Variants in CSMD1 observed in about 807,000 individuals in gnomAD.
CSMD1 encodes CUB and sushi domain-containing protein 1.
In CSMD1, 213 loss-of-function variants were observed where a neutral mutation model predicts 417.5. The ratio of observed to expected loss-of-function variants is 0.51; its 90% CI spans 0.46 to 0.57. The LOEUF is 0.57. Among genes scored for constraint, CSMD1 ranks in the 20% least tolerant of loss-of-function variants. CSMD1 has a pLI of 0.00. For missense variants in CSMD1, 6,923 were observed against 4,529.7 expected, an observed-to-expected ratio of 1.53 and a Z score of -15.17; for synonymous variants, 2,862 against 1,736.8, an observed-to-expected ratio of 1.65 and a Z score of -16.11.
rs1802585485 is a variant in CSMD1 at position 4,507,410 on chromosome 8, T to C, written c.303-87345A>G. On this transcript the variant is annotated intron_variant, in intron 2 of 69. Transcript: ENST00000635120. ...TATAACATAGACTCCAAATATTTGT[T>C]CTGCTCACATTATCCAGTGTTTTAT... Among the ~76,000 whole-genome samples, 4 of 152,234 alleles carry C rather than the reference T, an allele frequency of 2.6e-5. No individual in the cohort carries two copies. In the South Asian group the frequency reaches 8.3e-4, roughly 31 times the overall value.
intron 12 of CSMD1, among the ~76,000 whole-genome samples, chr8:3,458,041 C>T (rs953917665): frequency 5.3e-5 from 8 of 152,170 alleles, no homozygotes; most frequent in African/African-American, 1.9e-4. Flanking sequence ...TTCATTCTTA[C>T]CTGAGACTAA....
chr8:4,708,548 G>A (rs917934725), intron 1 of CSMD1, among the ~76,000 whole-genome samples: 5 of 152,174 alleles, frequency 3.3e-5, no homozygotes, highest in Admixed American at 2.0e-4. Context: ...TTAAAGGAAG[G>A]TGATTGCCAG....
intron 3 of CSMD1, among the ~76,000 whole-genome samples, chr8:4,052,133 C>A (rs1798464414): frequency 6.6e-6 from 1 of 151,926 alleles, no homozygotes; most frequent in African/African-American, 2.4e-5. Context: ...CCATGTTGGT[C>A]AGGGTGGTCT....
At chr8:3,630,692 G>A (rs1227721262) in intron 7 of CSMD1, among the ~76,000 whole-genome samples, 1 of 151,178 alleles carries the variant, frequency 6.6e-6, no homozygotes, top group Non-Finnish European at 1.5e-5. Context: ...AAATGTGTGA[G>A]TGGTTTGCTT....
chr8:3,917,417 ACACAC>A (rs1808905866), intron 5 of CSMD1, among the ~76,000 whole-genome samples: 1 of 15,812 alleles, frequency 6.3e-5, no homozygotes, highest in South Asian at 3.1e-3. Flanking sequence ...ATACCACGAA[ACACAC>A]ACACACACAC....
At chr8:4,007,116 G>C (rs1303773884) in intron 4 of CSMD1, among the ~76,000 whole-genome samples, 2 of 151,972 alleles carry the variant, frequency 1.3e-5, no homozygotes, top group Non-Finnish European at 2.9e-5. Flanking sequence ...GGTATTACAG[G>C]TGTCAGCCAC....
chr8:3,294,165 C>G (rs1014465900), intron 25 of CSMD1, among the ~76,000 whole-genome samples: 1 of 152,182 alleles, frequency 6.6e-6, no homozygotes, highest in Admixed American at 6.5e-5. Flanking sequence ...GCAAATGCTG[C>G]TGTCTGATCA....
chr8:4,901,954 G>A (rs1383119033), intron 1 of CSMD1, among the ~76,000 whole-genome samples: 2 of 152,094 alleles, frequency 1.3e-5, no homozygotes, highest in South Asian at 2.1e-4. Context: ...CACAACCAGA[G>A]GTCAAATACC....
intron 5 of CSMD1, among the ~76,000 whole-genome samples, chr8:3,901,552 T>G (rs1807752875): frequency 6.6e-6 from 1 of 152,232 alleles, no homozygotes; most frequent in Non-Finnish European, 1.5e-5. Context: ...CGATCACGTT[T>G]GCTCATAAAG....
chr8:2,985,895 T>C (rs1805851721), intron 54 of CSMD1, among the ~76,000 whole-genome samples: 1 of 140,912 alleles, frequency 7.1e-6, no homozygotes, highest in African/African-American at 2.7e-5. Flanking sequence ...CTTTGCATAT[T>C]GTGATCGAAA....
In CSMD1 at chr8:4,099,206, GCACA is replaced by G. The variant is rs142311935; in HGVS notation, c.416-67111_416-67108del. Among the ~76,000 whole-genome samples the G allele has an allele frequency of 2.8e-3, 419 of 148,564 alleles. 2 individuals carry two copies. Among genetic ancestry groups the G allele is most frequent in the Non-Finnish European group, 4.4e-3 (291 of 66,786 alleles). On this transcript the variant is annotated intron_variant, in intron 3 of 69. Coordinates refer to ENST00000635120, the MANE Select transcript of CSMD1 (RefSeq NM_033225.6). ...CACACATACACACTCACACACACACGCACACACACACACACACCATTTCTAATTC... is the reference window on the plus strand; with the variant it reads ...CACACATACACACTCACACACACACGCACACACACACACCATTTCTAATTC...
chr8:4,874,458 C>G (rs1010691807), intron 1 of CSMD1, among the ~76,000 whole-genome samples: 1 of 147,578 alleles, frequency 6.8e-6, no homozygotes, highest in Non-Finnish European at 1.5e-5. Flanking sequence ...GTTCCATTCT[C>G]GACTCACTGC....
At chr8:3,647,594 T>C (rs1563231263) in intron 7 of CSMD1, among the ~76,000 whole-genome samples, 1 of 152,194 alleles carries the variant, frequency 6.6e-6, no homozygotes, top group Non-Finnish European at 1.5e-5. Context: ...CACAGCATGT[T>C]GGAACCACTG....
At chr8:4,164,391 C>A (rs922927186) in intron 3 of CSMD1, among the ~76,000 whole-genome samples, 1 of 152,086 alleles carries the variant, frequency 6.6e-6, no homozygotes, top group African/African-American at 2.4e-5. Context: ...AACACTTACA[C>A]ATTCAGGTAA....
chr8:4,324,343 C>A (rs1393383944), intron 3 of CSMD1, among the ~76,000 whole-genome samples: 12 of 152,178 alleles, frequency 7.9e-5, no homozygotes, highest in Admixed American at 3.3e-4. Flanking sequence ...TCGGAAGGTC[C>A]TGTAGTAGCA....
intron 3 of CSMD1, among the ~76,000 whole-genome samples, chr8:4,402,757 C>T (rs191888964): frequency 6.7e-6 from 1 of 149,060 alleles, no homozygotes; most frequent in Middle Eastern, 3.6e-3. Flanking sequence ...TGCATCTGTA[C>T]TGAATGCCCT....
At chr8:2,983,456 G>A (rs1294679931) in intron 54 of CSMD1, among the ~76,000 whole-genome samples, 2 of 152,176 alleles carry the variant, frequency 1.3e-5, no homozygotes, top group Admixed American at 6.5e-5. Context: ...AAAGTGCCGG[G>A]ATTGCAGGTG....
At chr8:4,681,122 A>C (rs975083247) in intron 1 of CSMD1, among the ~76,000 whole-genome samples, 4 of 152,176 alleles carry the variant, frequency 2.6e-5, no homozygotes, top group Non-Finnish European at 5.9e-5. Context: ...CGAAGATGAA[A>C]GCAAACAATT....
At chr8:3,231,889 A>G (rs1206270321) in intron 26 of CSMD1, among the ~76,000 whole-genome samples, 1 of 152,216 alleles carries the variant, frequency 6.6e-6, no homozygotes, top group African/African-American at 2.4e-5. Context: ...TGCTATGAAG[A>G]TGAAGTGTGA....
Sources: gnomAD v4.1 joint callset for allele counts (sites outside exome capture counted in the v4.1 genomes callset) on GRCh38, gnomAD v4.1.1 for gene constraint, MANE v1.5 for transcripts, NCBI Gene and HGNC (gene_info 2026-07-23, HGNC 2026-07-21) for gene names.